The following LAMB2 variants were observed in gnomAD, a reference collection of about 807,000 sequenced individuals.
LAMB2 encodes the protein laminin subunit beta 2.
In LAMB2, 119 loss-of-function variants were observed where a neutral mutation model predicts 202.7. The observed-to-expected ratio is 0.59, with a 90% CI of 0.51 to 0.68. The LOEUF (loss-of-function observed/expected upper bound fraction) is 0.68, where lower values mean the gene tolerates loss of function less well. LAMB2 is among the 30% of genes least tolerant of loss of function. The probability of loss-of-function intolerance (pLI) is 0.00; values close to 1 mark genes in which losing one functional copy is unlikely to be tolerated. For synonymous variants in LAMB2, 818 were observed against 902.2 expected, an observed-to-expected ratio of 0.91 and a Z score of 1.67; for missense variants, 2,124 against 2,410.6, an observed-to-expected ratio of 0.88 and a Z score of 2.49.
rs2045470447 is a variant in LAMB2 at position 49,130,646 on chromosome 3, G to A, written c.1036+94C>T. ...CTGCATACTCTTTGGATACAGCCTG[G>A]GTTTTAGGGGCTTGACCAACTAGCT... On this transcript the variant is annotated intron_variant, in intron 8 of 31. Transcript: ENST00000305544. This position sits in a 1 kb window ranked among gnomAD's most constrained non-coding sequence, Gnocchi z 5.0. 1.5e-5 allele frequency: 23 copies of A among 1,581,966 alleles called. No individual in the cohort carries two copies. The highest frequency in any genetic ancestry group is 1.9e-5 in the Non-Finnish European group (22 of 1,159,314).
Position 49,131,851 on chromosome 3 carries a change from C to A in LAMB2, c.460-128G>T. ...AGAGAGTGGGGGTGACTGGTGGAAG[C>A]CAGATAATGACCAGCAAAGGTAGCC... On this transcript the variant is annotated intron_variant, in intron 4 of 31. Transcript: ENST00000305544. This position sits in a 1 kb window ranked among gnomAD's most constrained non-coding sequence, Gnocchi z 5.0. The A allele has an allele frequency of 1.9e-6, 2 of 1,069,754 alleles. No homozygotes were observed. Among genetic ancestry groups the A allele is most frequent in the Non-Finnish European group, 2.8e-6 (2 of 723,042 alleles). The allele number at this position is 1,069,754 out of a possible 1,614,324, so 66.3% of individuals were successfully genotyped here.
rs761787675 is a variant in LAMB2 at position 49,125,018 on chromosome 3, C to G, written c.2872G>C (p.Ala958Pro). The G allele has an allele frequency of 6.2e-7, 1 of 1,613,952 alleles. No homozygotes were observed. The highest frequency in any genetic ancestry group is 1.7e-5 in the Admixed American group (1 of 60,028). Reference protein sequence around the residue: ...YSQQIVCHCRAGYTGLRCEAC... With the variant: ...YSQQIVCHCRPGYTGLRCEAC... ...CCCATCCACTCACCCGTATAGCCTG[C>G]CCGGCAGTGGCACACAATCTGCTGG... is the stretch of plus-strand genomic sequence containing the variant. Residue 958 changes from alanine (A) to proline (P), a missense_variant, in exon 20 of 32, where the codon GCA becomes CCA. Transcript: ENST00000305544.
In LAMB2 at chr3:49,123,437, A is replaced by T; in HGVS notation, c.3982+10T>A. 1 of 1,614,116 alleles carries T rather than the reference A, an allele frequency of 6.2e-7. No individual in the cohort carries two copies. The highest frequency in any genetic ancestry group is 2.2e-5 in the East Asian group (1 of 44,890). On this transcript the variant is annotated intron_variant, in intron 25 of 31. Coordinates refer to ENST00000305544, the MANE Select transcript of LAMB2 (RefSeq NM_002292.4). ...CCCTGGTCCACCTGCCTAGTTGGCT[A>T]ACAACTCACCCAGGAAGTTTGAATG...
chr3:49,127,195 A>G (rs2045424638), intron 15 of LAMB2, among the ~76,000 whole-genome samples: 1 of 152,100 alleles, frequency 6.6e-6, no homozygotes, highest in Non-Finnish European at 1.5e-5. Context: ...CATGTTGCCT[A>G]GGCTGGTCTT....
intron 13 of LAMB2, 47 bp from the exon 14 acceptor site, chr3:49,128,866 C>T (rs761959781): frequency 6.2e-7 from 1 of 1,605,124 alleles, no homozygotes; most frequent in Admixed American, 1.7e-5. Flanking sequence ...GAGGCTTTGC[C>T]TCTTCTGCCA....
chr3:49,124,313 A>G (rs745825592), intron 22 of LAMB2, 27 bp from the exon 23 acceptor site: 1 of 1,613,622 alleles, frequency 6.2e-7, no homozygotes, highest in Non-Finnish European at 8.5e-7. Flanking sequence ...GCAGGGTCAG[A>G]GCCTCTATAA....
intron 13 of LAMB2, 90 bp downstream of exon 13, chr3:49,128,930 C>T: frequency 1.2e-6 from 2 of 1,600,300 alleles, no homozygotes; most frequent in Non-Finnish European, 1.7e-6. Flanking sequence ...ACCCCTATCC[C>T]CTCAACAAGG....
Position 49,121,114 on chromosome 3 carries a change from T to C in LAMB2, c.*112A>G, listed in dbSNP as rs112615532. The C allele has an allele frequency of 8.2e-7, 1 of 1,217,084 alleles. No homozygotes were observed. Among genetic ancestry groups the C allele is most frequent in the Non-Finnish European group, 1.2e-6 (1 of 858,138 alleles). 75.4% of individuals were successfully genotyped at this position (1,217,084 alleles called of 1,614,324 possible). Reference sequence around the variant, plus strand: ...CCAAATCAGAGTCCAGACAACACAGTGGGGGTTCACACTGGTTTATTGGGG... The same window carrying C: ...CCAAATCAGAGTCCAGACAACACAGCGGGGGTTCACACTGGTTTATTGGGG... On this transcript the variant is annotated 3_prime_UTR_variant, in exon 32 of 32. Coordinates refer to ENST00000305544, the MANE Select transcript of LAMB2 (RefSeq NM_002292.4).
intron 15 of LAMB2, 69 bp downstream of exon 15, chr3:49,128,389 C>T: frequency 1.3e-6 from 2 of 1,574,216 alleles, no homozygotes; most frequent in South Asian, 1.1e-5. Flanking sequence ...CTTCCAGGTG[C>T]CCTGCAGGGA....
rs565877727 is a variant in LAMB2, at chr3:49,130,962, A to T, written c.903T>A (p.His301Gln). 5 of 1,614,120 alleles carry T rather than the reference A, an allele frequency of 3.1e-6. No individual in the cohort carries two copies. The East Asian group carries it at 1.1e-4, about 36-fold the overall frequency. Residue 301 changes from histidine to glutamine, a missense_variant, in exon 7 of 32, where the codon CAT becomes CAA. This residue lies in a region of LAMB2 where 256 missense variants were observed against 356.1 expected (regional missense o/e 0.72). Coordinates refer to ENST00000305544, the MANE Select transcript of LAMB2 (RefSeq NM_002292.4). This position sits in a 1 kb window ranked among gnomAD's most constrained non-coding sequence, Gnocchi z 5.0. ...ECAPAPGAPA[H>Q]AEGMVHGACI... is the part of the protein sequence containing the mutation. ...TGAAGCCCCTTACCATGCCCTCAGC[A>T]TGGGCTGGTGCCCCTGGGGCGGGTG...
In LAMB2 at chr3:49,130,898, GC is replaced by G. The variant is rs1308519607; in HGVS notation, c.916-39del. 2 of 1,614,034 alleles carry G rather than the reference GC, an allele frequency of 1.2e-6. No homozygotes were observed. Among genetic ancestry groups the G allele is most frequent in the Non-Finnish European group, 1.7e-6 (2 of 1,180,042 alleles). On this transcript the variant is annotated intron_variant, in intron 7 of 31. Coordinates refer to ENST00000305544, the MANE Select transcript of LAMB2 (RefSeq NM_002292.4). The surrounding 1 kb of genome is among the most constrained non-coding windows in gnomAD (Gnocchi z 5.0). ...GCAGGTAGGTTGTCAGCACTGCTCA[GC>G]CATGTCCGCCCCTGCCCCTAGCCCT...
rs757578377 is a variant in LAMB2, at chr3:49,123,411, A to G, written c.3982+36T>C. The G allele has an allele frequency of 6.2e-6, 10 of 1,613,892 alleles. No individual in the cohort carries two copies. In the African/African-American group the frequency reaches 1.3e-4, roughly 22 times the overall value. ...GAGGCAGACAGTCAGCTGAAGACTG[A>G]CCCTGGTCCACCTGCCTAGTTGGCT... On this transcript the variant is annotated intron_variant, in intron 25 of 31. Coordinates refer to ENST00000305544, the MANE Select transcript of LAMB2 (RefSeq NM_002292.4).
At chr3:49,126,541 C>A in intron 15 of LAMB2, 44 bp from the exon 16 acceptor site, 1 of 1,611,838 alleles carries the variant, frequency 6.2e-7, no homozygotes, top group Non-Finnish European at 8.5e-7. Flanking sequence ...TCTAGGGGCC[C>A]TGTACAAATC....
At position 49,121,388 on chromosome 3, in the gene LAMB2, G is replaced by C. The variant is rs758979514; in HGVS notation, c.5261-26C>G. ...CTAGGAAGGGCAGGTGTCAGTTTAGGGGGGGTTTCCCGCAGTCTTGTGTCT... is the reference window on the plus strand; with the variant it reads ...CTAGGAAGGGCAGGTGTCAGTTTAGCGGGGGTTTCCCGCAGTCTTGTGTCT... On this transcript the variant is annotated intron_variant, in intron 31 of 31. Coordinates refer to ENST00000305544, the MANE Select transcript of LAMB2 (RefSeq NM_002292.4). The C allele has an allele frequency of 7.4e-6, 12 of 1,614,100 alleles. No homozygotes were observed. In the South Asian group the frequency reaches 1.3e-4, roughly 18 times the overall value.
rs1575536330 is a variant in LAMB2, at chr3:49,130,553, T to A, written c.1037-134A>T. The A allele has an allele frequency of 1.5e-6, 2 of 1,335,152 alleles. No individual in the cohort carries two copies. The highest frequency in any genetic ancestry group is 2.3e-5 in the East Asian group (1 of 43,572). The allele number at this position is 1,335,152 out of a possible 1,614,324, so 82.7% of individuals were successfully genotyped here. On this transcript the variant is annotated intron_variant, in intron 8 of 31. Coordinates refer to ENST00000305544, the MANE Select transcript of LAMB2 (RefSeq NM_002292.4). The surrounding 1 kb of genome is among the most constrained non-coding windows in gnomAD (Gnocchi z 5.0). The stretch of plus-strand genomic sequence containing the variant: ...GCTCAGGGACTTCAAGGCCTCAGCA[T>A]CATACTGGTTCCCTACCCAGAGCAG...
At position 49,125,140 on chromosome 3, in the gene LAMB2, C is replaced by T. The variant is rs200586104; in HGVS notation, c.2750G>A (p.Arg917Gln). The T allele has an allele frequency of 5.6e-6, 9 of 1,613,566 alleles. No individual in the cohort carries two copies. Among genetic ancestry groups the T allele is most frequent in the South Asian group, 3.3e-5 (3 of 91,084 alleles). Residue 917 changes from arginine to glutamine, a missense_variant, in exon 20 of 32, where the codon CGG becomes CAG. This residue lies in a region of LAMB2 where 1,702 missense variants were observed against 1,896.3 expected (regional missense o/e 0.90). Transcript: ENST00000305544. ...RCIAGFHGDP[R>Q]LPYGGQCRPC... ...CCGGCACTGGCCCCCATATGGCAGC[C>T]GTGGGTCCCCGTGGAAACCAGCAAT...
At position 49,132,915 on chromosome 3, in the gene LAMB2, G is replaced by T. The variant is rs746140689; in HGVS notation, c.-48C>A. The T allele has an allele frequency of 4.5e-6, 7 of 1,556,380 alleles. No homozygotes were observed. In the Admixed American group the frequency reaches 1.2e-4, roughly 26 times the overall value. On this transcript the variant is annotated 5_prime_UTR_variant, in exon 1 of 32. Coordinates refer to ENST00000305544, the MANE Select transcript of LAMB2 (RefSeq NM_002292.4). The surrounding 1 kb of genome is among the most constrained non-coding windows in gnomAD (Gnocchi z 4.6). ...AGGGGAGGTGAACGGTCTCGGGCCC[G>T]AGCCCTCCTCCTTGCTTTGGGGTTC...
chr3:49,132,621 G>A lies in LAMB2; in HGVS notation c.119C>T (p.Pro40Leu), dbSNP rs766244496. 27 of 1,613,980 alleles carry A rather than the reference G, an allele frequency of 1.7e-5. No homozygotes were observed. The South Asian group carries it at 3.0e-4, about 18-fold the overall frequency. The change falls in exon 2 of 32, where the codon CCT becomes CTT. Residue 40 changes from proline to leucine, a missense_variant. By Grantham distance (98) the Pro-to-Leu change is moderately conservative (BLOSUM62 -3). Coordinates refer to ENST00000305544, the MANE Select transcript of LAMB2 (RefSeq NM_002292.4). This position sits in a 1 kb window ranked among gnomAD's most constrained non-coding sequence, Gnocchi z 4.6. ...TLAQAPAPDV[P>L]GCSRGSCYPA... ...GTAGCAGCTTCCCCTGGAACAGCCA[G>A]GCACATCCGGGGCAGGGGCCTGTGC... is the stretch of plus-strand genomic sequence containing the variant.
At position 49,132,089 on chromosome 3, in the gene LAMB2, C is replaced by T. The variant is rs769572619; in HGVS notation, c.459+27G>A. 28 of 1,608,190 alleles carry T rather than the reference C, an allele frequency of 1.7e-5. No individual in the cohort carries two copies. The highest frequency in any genetic ancestry group is 1.7e-4 in the Middle Eastern group (1 of 6,050). ...CAATGGAGAGCCAAGCAGGGTGATT[C>T]GGGCAGGCTCCCAGATATGCAGGCA... On this transcript the variant is annotated intron_variant, in intron 4 of 31. Coordinates refer to ENST00000305544, the MANE Select transcript of LAMB2 (RefSeq NM_002292.4). The surrounding 1 kb of genome is among the most constrained non-coding windows in gnomAD (Gnocchi z 4.6).
Sources: allele counts gnomAD v4.1 joint callset (sites outside exome capture counted in the v4.1 genomes callset), GRCh38; gene constraint gnomAD v4.1.1; regional missense constraint gnomAD v4.1.1; non-coding constraint Gnocchi (gnomAD v3.1); transcripts MANE v1.5; gene names NCBI Gene and HGNC (gene_info 2026-07-23, HGNC 2026-07-21).